The following EYS variants were observed in gnomAD, a reference collection of about 807,000 sequenced individuals.
The protein encoded by EYS is EGF-like photoreceptor maintenance factor.
Under a neutral mutation model 282.1 loss-of-function variants are expected in EYS, and 250 were observed. The observed-to-expected ratio is 0.89, with a 90% CI of 0.80 to 0.98. EYS has a LOEUF of 0.98. Among genes scored for constraint, EYS ranks in the 50% least tolerant of loss-of-function variants. The pLI is 0.00. For missense variants in EYS, 4,016 were observed against 3,709.0 expected (o/e 1.08, Z -2.15); for synonymous variants, 1,355 against 1,282.9 (o/e 1.06, Z -1.20).
At chr6:65,426,797 C>T (rs926656510) in intron 5 of EYS, among the ~76,000 whole-genome samples, 1 of 152,028 alleles carries the variant, frequency 6.6e-6, no homozygotes, top group Non-Finnish European at 1.5e-5. Context: ...TTAGGAGTTT[C>T]AACAGATGTT....
chr6:64,598,086 G>GAA (rs2149836371), intron 24 of EYS, among the ~76,000 whole-genome samples: 1 of 152,188 alleles, frequency 6.6e-6, no homozygotes, highest in East Asian at 1.9e-4. Flanking sequence ...ACATTAAGTG[G>GAA]AAAAATATCC....
At chr6:65,114,804 T>G (rs1280019297) in intron 12 of EYS, among the ~76,000 whole-genome samples, 1 of 151,986 alleles carries the variant, frequency 6.6e-6, no homozygotes, top group Non-Finnish European at 1.5e-5. Flanking sequence ...AATTCAGATC[T>G]CTAGATTCTG....
chr6:64,608,411 T>C (rs1767001700), intron 24 of EYS, among the ~76,000 whole-genome samples: 1 of 152,120 alleles, frequency 6.6e-6, no homozygotes, highest in Admixed American at 6.6e-5. Flanking sequence ...AATTGATGAA[T>C]TACAATTTTA....
intron 36 of EYS, among the ~76,000 whole-genome samples, chr6:63,809,265 T>G: frequency 6.6e-6 from 1 of 152,188 alleles, no homozygotes; most frequent in East Asian, 1.9e-4. Context: ...GAAAGAAGAC[T>G]TTCAACCTTA....
chr6:63,885,228 C>A (rs192881708), intron 35 of EYS, among the ~76,000 whole-genome samples: 3 of 152,006 alleles, frequency 2.0e-5, no homozygotes, highest in African/African-American at 7.2e-5. Context: ...AGGGTAGATC[C>A]CAATTACTGG....
chr6:65,118,366 T>G (rs142975786), intron 12 of EYS, among the ~76,000 whole-genome samples: 1 of 152,368 alleles, frequency 6.6e-6, no homozygotes, highest in African/African-American at 2.4e-5. Flanking sequence ...CAAATACATT[T>G]AAAATATTCT....
In EYS at chr6:64,434,225, AC is replaced by A. The variant is rs376813365; in HGVS notation, c.5927+1948del. On this transcript the variant is annotated intron_variant, in intron 28 of 42. Transcript: ENST00000503581. ...AAAAGGAGACCTCAAAAGAAATCAA[AC>A]CTGTTGTCATTTTGATCTCAGAATT... Among the ~76,000 whole-genome samples, 1,270 of 152,052 alleles carry A rather than the reference AC, an allele frequency of 8.4e-3. 12 individuals are homozygous for A. The highest frequency in any genetic ancestry group is 0.029 in the African/African-American group (1,209 of 41,490).
At chr6:64,397,330 T>C (rs965490590) in intron 28 of EYS, among the ~76,000 whole-genome samples, 1 of 152,116 alleles carries the variant, frequency 6.6e-6, no homozygotes, top group Non-Finnish European at 1.5e-5. Context: ...ATCAAGCCTA[T>C]GCTGTCCTCA....
At chr6:65,549,997 C>A (rs921489642) in intron 2 of EYS, among the ~76,000 whole-genome samples, 12 of 99,362 alleles carry the variant, frequency 1.2e-4, no homozygotes, top group African/African-American at 4.0e-4. Flanking sequence ...ACCATCCTCC[C>A]TGGACCAGTG....
intron 5 of EYS, among the ~76,000 whole-genome samples, chr6:65,483,143 A>C (rs1765664683): frequency 6.6e-6 from 1 of 152,082 alleles, no homozygotes; most frequent in South Asian, 2.1e-4. Flanking sequence ...TTATATTTTA[A>C]TTCTTAATTT....
intron 2 of EYS, among the ~76,000 whole-genome samples, chr6:65,510,499 A>G (rs1231153770): frequency 6.6e-6 from 1 of 152,144 alleles, no homozygotes; most frequent in Non-Finnish European, 1.5e-5. Context: ...AAATATCTCA[A>G]AAATATCATT....
intron 15 of EYS, among the ~76,000 whole-genome samples, chr6:64,934,979 T>C (rs1317524080): frequency 6.6e-6 from 1 of 151,816 alleles, no homozygotes; most frequent in Admixed American, 6.6e-5. Context: ...GTATAAGATA[T>C]AATTTGTATC....
intron 5 of EYS, among the ~76,000 whole-genome samples, chr6:65,425,660 A>C (rs1354708635): frequency 6.6e-6 from 1 of 152,116 alleles, no homozygotes; most frequent in East Asian, 1.9e-4. Flanking sequence ...TTAGAAATTT[A>C]AACAGTGAGC....
chr6:63,942,229 T>A (rs1403854984), intron 35 of EYS, among the ~76,000 whole-genome samples: 1 of 152,164 alleles, frequency 6.6e-6, no homozygotes, highest in Non-Finnish European at 1.5e-5. Flanking sequence ...CTAAAAAATG[T>A]CATCATTGTT....
At chr6:65,294,489 T>C (rs1768608631) in intron 12 of EYS, among the ~76,000 whole-genome samples, 1 of 151,916 alleles carries the variant, frequency 6.6e-6, no homozygotes, top group African/African-American at 2.4e-5. Flanking sequence ...TTTTATATTA[T>C]ATTCCAGTAA....
At chr6:64,995,722 C>A (rs562110042) in intron 14 of EYS, among the ~76,000 whole-genome samples, 1 of 149,266 alleles carries the variant, frequency 6.7e-6, no homozygotes, top group East Asian at 2.0e-4. Flanking sequence ...GCTTCCCCCC[C>A]GCCCCATATT....
chr6:64,976,198 A>G (rs1456548492), intron 14 of EYS, among the ~76,000 whole-genome samples: 1 of 151,952 alleles, frequency 6.6e-6, no homozygotes, highest in Non-Finnish European at 1.5e-5. Flanking sequence ...TTTGACTTAC[A>G]TTGTTCAAAT....
intron 22 of EYS, among the ~76,000 whole-genome samples, chr6:64,687,841 G>T (rs1266041141): frequency 5.9e-5 from 9 of 152,082 alleles, no homozygotes; most frequent in Non-Finnish European, 1.3e-4. Context: ...CAGTGAATCA[G>T]TCTGGTCCTG....
At chr6:64,284,973 T>A (rs948359175) in intron 30 of EYS, among the ~76,000 whole-genome samples, 1 of 152,180 alleles carries the variant, frequency 6.6e-6, no homozygotes, top group African/African-American at 2.4e-5. Context: ...TGCAAAGATC[T>A]CTGACATGTC....
Sources: gnomAD v4.1 joint callset for allele counts (sites outside exome capture counted in the v4.1 genomes callset) on GRCh38, gnomAD v4.1.1 for gene constraint, MANE v1.5 for transcripts, NCBI Gene and HGNC (gene_info 2026-07-23, HGNC 2026-07-21) for gene names.